NR2F2: variants seen among roughly 807,000 people sequenced by gnomAD.
The protein encoded by NR2F2 is COUP transcription factor 2.
Under a neutral mutation model 34.8 loss-of-function variants are expected in NR2F2, and 2 were observed. That is an observed-to-expected ratio of 0.06 (90% CI 0.02 to 0.18). NR2F2 has a LOEUF of 0.18. Among genes scored for constraint, NR2F2 ranks in the 10% least tolerant of loss-of-function variants. NR2F2 has a pLI of 1.00. For missense variants in NR2F2, 300 were observed against 580.1 expected (o/e 0.52, Z 4.96); for synonymous variants, 274 against 251.8 (o/e 1.09, Z -0.84).
Position 96,334,241 on chromosome 15 carries a change from CCAA to C in NR2F2, c.614_616del (p.Asn205del), listed in dbSNP as rs772477460. The C allele has an allele frequency of 1.2e-6, 2 of 1,614,220 alleles. No homozygotes were observed. Among genetic ancestry groups the C allele is most frequent in the Non-Finnish European group, 8.5e-7 (1 of 1,180,040 alleles). On this transcript the variant is annotated inframe_deletion, in exon 2 of 3. Transcript: ENST00000394166. Reference sequence around the variant, plus strand: ...CGCTTCGGCAGCCAATGCATGCAGCCCAACAACATCATGGGTATCGAGAACATT... The same window carrying C: ...CGCTTCGGCAGCCAATGCATGCAGCCCAACATCATGGGTATCGAGAACATT...
rs772588379 is a variant in NR2F2, at chr15:96,330,933, C to T, written c.-1173C>T. On this transcript the variant is annotated 5_prime_UTR_variant, in exon 1 of 3. Coordinates refer to ENST00000394166, the MANE Select transcript of NR2F2 (RefSeq NM_021005.4). ...CATTCTTTCTCTCCGTCTTTTTCTC[C>T]CCCCTCTGCGCACGAAGGATGTGCT... The T allele has an allele frequency of 8.8e-7, 1 of 1,134,506 alleles. No homozygotes were observed. Among genetic ancestry groups the T allele is most frequent in the Non-Finnish European group, 1.1e-6 (1 of 923,914 alleles). 70.3% of individuals were successfully genotyped at this position (1,134,506 alleles called of 1,614,324 possible). A position where few individuals can be genotyped will look rare whatever the true frequency, so the allele number is the denominator to read the frequency against.
Position 96,337,493 on chromosome 15 carries a change from C to T in NR2F2, c.1116C>T (p.Thr372=), listed in dbSNP as rs768808083. The change falls in exon 3 of 3, where the codon ACC becomes ACT. Residue 372 remains threonine (T), a synonymous_variant. Transcript: ENST00000394166. ...KLLLRLPSLR[T]VSSSVIEQLF... ...TGCTTCGCCTCCCTTCCCTCCGCAC[C>T]GTCTCCTCCTCAGTCATAGAGCAAT... 3 of 1,614,106 alleles carry T rather than the reference C, an allele frequency of 1.9e-6. No homozygotes were observed. The highest frequency in any genetic ancestry group is 2.2e-5 in the South Asian group (2 of 91,072).
chr15:96,336,175 G>C (rs1899320015), intron 2 of NR2F2, among the ~76,000 whole-genome samples: 1 of 152,170 alleles, frequency 6.6e-6, no homozygotes, highest in Admixed American at 6.5e-5. Flanking sequence ...GCCTGATACT[G>C]TCGTTAACAG....
At position 96,337,451 on chromosome 15, in the gene NR2F2, G is replaced by T. The variant is rs909820550; in HGVS notation, c.1074G>T (p.Thr358=). Residue 358 remains threonine (T), a synonymous_variant, in exon 3 of 3, where the codon ACG becomes ACT. Transcript: ENST00000394166. ...GGAGCCAGTACCCCAACCAGCCGAC[G>T]AGATTCGGAAAGCTTTTGCTTCGCC... ...YVRSQYPNQP[T]RFGKLLLRLP... 1 of 1,614,134 alleles carries T rather than the reference G, an allele frequency of 6.2e-7. No homozygotes were observed. The highest frequency in any genetic ancestry group is 2.2e-5 in the East Asian group (1 of 44,880).
chr15:96,332,941 C>CCCCAAAA (rs1899194044), intron 1 of NR2F2, among the ~76,000 whole-genome samples: 1 of 58,042 alleles, frequency 1.7e-5, no homozygotes, highest in African/African-American at 6.3e-5. Context: ...CCCACCCTCT[C>CCCCAAAA]AAAAAAAAAA....
Position 96,334,158 on chromosome 15 carries a change from C to T in NR2F2, c.525C>T (p.His175=), listed in dbSNP as rs1899249309. The T allele has an allele frequency of 6.2e-7, 1 of 1,614,092 alleles. No homozygotes were observed. The highest frequency in any genetic ancestry group is 8.5e-7 in the Non-Finnish European group (1 of 1,180,036). The part of the protein sequence containing the change: ...ALTNGDPLNC[H]SYLSGYISLL... The stretch of plus-strand genomic sequence containing the variant: ...CCAACGGGGATCCCCTCAACTGCCA[C>T]TCGTACCTGTCCGGATATATTTCCC... The change falls in exon 2 of 3, where the codon CAC becomes CAT. Residue 175 remains histidine (H), a synonymous_variant. Coordinates refer to ENST00000394166, the MANE Select transcript of NR2F2 (RefSeq NM_021005.4).
upstream of NR2F2, among the ~76,000 whole-genome samples, chr15:96,328,131 AT>A (rs1044091600): frequency 1.4e-4 from 21 of 151,868 alleles, no homozygotes; most frequent in African/African-American, 1.9e-4. Flanking sequence ...TCATACGGTG[AT>A]TTTTTTTCTC....
At chr15:96,330,543 G>C (rs1899103372), upstream of NR2F2, among the ~76,000 whole-genome samples, 1 of 148,042 alleles carries the variant, frequency 6.8e-6, no homozygotes, top group Non-Finnish European at 1.5e-5. Flanking sequence ...GGCCGCCGCA[G>C]TCCGGCCAAT....
In NR2F2 at chr15:96,337,742, AG is replaced by A; in HGVS notation, c.*121del. The stretch of plus-strand genomic sequence containing the variant: ...AGGATGTTACAAGTTTGCTAAAAGA[AG>A]AGAGGGGAAGAATTTAATGGACTGT... On this transcript the variant is annotated 3_prime_UTR_variant, in exon 3 of 3. Coordinates refer to ENST00000394166, the MANE Select transcript of NR2F2 (RefSeq NM_021005.4). 1 of 904,678 alleles carries A rather than the reference AG, an allele frequency of 1.1e-6. No individual in the cohort carries two copies. The highest frequency in any genetic ancestry group is 1.7e-5 in the African/African-American group (1 of 59,946). The allele number at this position is 904,678 out of a possible 1,614,324, so 56.0% of individuals were successfully genotyped here.
intron 2 of NR2F2, among the ~76,000 whole-genome samples, chr15:96,335,958 T>A (rs147639899): frequency 6.6e-6 from 1 of 152,252 alleles, no homozygotes; most frequent in African/African-American, 2.4e-5. Context: ...TGGATAGGGA[T>A]TATTTTTCTC....
At chr15:96,328,532 C>G (rs2141163043), upstream of NR2F2, among the ~76,000 whole-genome samples, 1 of 152,354 alleles carries the variant, frequency 6.6e-6, no homozygotes, top group Middle Eastern at 3.4e-3. Flanking sequence ...AATCTGCTGA[C>G]ATTTGTAACA....
At chr15:96,333,649 C>T (rs1353674570) in intron 1 of NR2F2, 1 of 1,072,740 alleles carries the variant, frequency 9.3e-7, no homozygotes, top group South Asian at 3.7e-5. Context: ...TGGGGTGGAC[C>T]CTCGTGCCTT....
chr15:96,332,704 C>T, intron 1 of NR2F2, 157 bp downstream of exon 1: 15 of 1,419,058 alleles, frequency 1.1e-5, no homozygotes, highest in Non-Finnish European at 1.4e-5. Flanking sequence ...TGCATTGGAA[C>T]CCAGACCCCA....
chr15:96,330,520 G>A (rs1899102448), upstream of NR2F2, among the ~76,000 whole-genome samples: 1 of 145,826 alleles, frequency 6.9e-6, no homozygotes, highest in Admixed American at 6.8e-5. Flanking sequence ...TGCGCCCGCG[G>A]CCGCCATGGC....
In NR2F2 at chr15:96,338,825, C is replaced by A. The variant is rs1007704564; in HGVS notation, c.*1203C>A. The A allele has an allele frequency of 2.7e-5, 4 of 150,652 alleles. No individual in the cohort carries two copies. The highest frequency in any genetic ancestry group is 9.8e-5 in the African/African-American group (4 of 40,646). The allele number at this position is 150,652 out of a possible 1,614,324, so 9.3% of individuals were successfully genotyped here. ...TATTTGATATCTGAAACCTGGCTGT[C>A]CCCACTCACTGTCTTTACATCTAGA... On this transcript the variant is annotated 3_prime_UTR_variant, in exon 3 of 3. Transcript: ENST00000394166.
Position 96,337,701 on chromosome 15 carries a change from TAAG to T in NR2F2, c.*82_*84del, listed in dbSNP as rs1242044403. 6 of 1,399,878 alleles carry T rather than the reference TAAG, an allele frequency of 4.3e-6. No individual in the cohort carries two copies. The highest frequency in any genetic ancestry group is 1.5e-5 in the African/African-American group (1 of 68,272). 86.7% of individuals were successfully genotyped at this position (1,399,878 alleles called of 1,614,324 possible). On this transcript the variant is annotated 3_prime_UTR_variant, in exon 3 of 3. Transcript: ENST00000394166. The stretch of plus-strand genomic sequence containing the variant: ...GTTTGTTTGCTTAATTTCCTTCTGT[TAAG>T]AAAGGATATAAAAGGATGTTACAAG...
chr15:96,337,169 C>T (rs565384599), intron 2 of NR2F2, among the ~76,000 whole-genome samples, 179 bp from the exon 3 acceptor site: 3 of 152,072 alleles, frequency 2.0e-5, no homozygotes, highest in Admixed American at 6.6e-5. Flanking sequence ...GCCTCCCCCC[C>T]TTAAGTTTTC....
chr15:96,327,746 C>T (rs1329570369), upstream of NR2F2, among the ~76,000 whole-genome samples: 1 of 152,212 alleles, frequency 6.6e-6, no homozygotes, highest in East Asian at 1.9e-4. Context: ...TTGCTGGGGT[C>T]TGTATTCATA....
chr15:96,326,493 A>T, upstream of NR2F2: 5 of 577,108 alleles, frequency 8.7e-6, no homozygotes, highest in Admixed American at 2.7e-5. The surrounding 1 kb of genome is among the most constrained non-coding windows in gnomAD (Gnocchi z 5.5). Context: ...CTGTGGTTTA[A>T]GGGGTTCGGG....
Sources: gnomAD v4.1 joint callset for allele counts (sites outside exome capture counted in the v4.1 genomes callset) on GRCh38, gnomAD v4.1.1 for gene constraint, Gnocchi (gnomAD v3.1) non-coding constraint, MANE v1.5 for transcripts, NCBI Gene and HGNC (gene_info 2026-07-23, HGNC 2026-07-21) for gene names.